Variants in SHC3 observed in about 807,000 individuals in gnomAD.
SHC3 encodes SHC-transforming protein 3.
SHC3 carries 15 observed loss-of-function variants against 60.4 expected under a neutral mutation model. The observed-to-expected ratio is 0.25, with a 90% CI of 0.17 to 0.38. SHC3 has a LOEUF of 0.38. Among genes scored for constraint, SHC3 ranks in the 10% least tolerant of loss-of-function variants. The pLI is 1.00. For synonymous variants in SHC3, 294 were observed against 325.9 expected, an observed-to-expected ratio of 0.90 and a Z score of 1.05; for missense variants, 677 against 786.1, an observed-to-expected ratio of 0.86 and a Z score of 1.66.
chr9:89,067,994 G>C (rs1255858397), intron 5 of SHC3, among the ~76,000 whole-genome samples: 1 of 152,228 alleles, frequency 6.6e-6, no homozygotes, highest in Admixed American at 6.5e-5. Context: ...AGTTGGGAAA[G>C]GAGGGAGAAT....
intron 1 of SHC3, among the ~76,000 whole-genome samples, chr9:89,119,372 A>G (rs1256075230): frequency 6.6e-6 from 1 of 152,134 alleles, no homozygotes; most frequent in African/African-American, 2.4e-5. Flanking sequence ...CAAACCTGCC[A>G]ATTAAAAGTC....
At chr9:89,168,688 T>A (rs577636589) in intron 1 of SHC3, among the ~76,000 whole-genome samples, 1 of 152,106 alleles carries the variant, frequency 6.6e-6, no homozygotes, top group Non-Finnish European at 1.5e-5. Context: ...GACTGAGCCA[T>A]GAGATGCCCA....
chr9:89,106,500 C>T (rs750376992), intron 2 of SHC3, among the ~76,000 whole-genome samples: 3 of 152,210 alleles, frequency 2.0e-5, no homozygotes, highest in Non-Finnish European at 4.4e-5. Flanking sequence ...TCTCAGCCCA[C>T]ACAGGGCAGC....
intron 9 of SHC3, 92 bp from the exon 10 acceptor site, chr9:89,042,276 TGGGAA>T (rs1824701215): frequency 7.3e-7 from 1 of 1,370,628 alleles, no homozygotes; most frequent in Non-Finnish European, 9.6e-7. Context: ...TGCCTGCAAA[TGGGAA>T]ACCTCCTCCT....
At chr9:89,165,865 C>A (rs1365851212) in intron 1 of SHC3, among the ~76,000 whole-genome samples, 1 of 152,166 alleles carries the variant, frequency 6.6e-6, no homozygotes, top group African/African-American at 2.4e-5. Flanking sequence ...AGCCTTGAGC[C>A]CATGACGCTT....
In SHC3 at chr9:89,009,974, T is replaced by C. The variant is rs1412345887; in HGVS notation, c.*3473A>G. 2 of 152,240 alleles carry C rather than the reference T, an allele frequency of 1.3e-5. No homozygotes were observed. Among genetic ancestry groups the C allele is most frequent in the African/African-American group, 2.4e-5 (1 of 41,456 alleles). 9.4% of individuals were successfully genotyped at this position (152,240 alleles called of 1,614,324 possible). Reference sequence around the variant, plus strand: ...ACATGTCCACTGTTCCCCTGGCACATGGGCCCTTTAGGGTCCACCCTTCCC... The same window carrying C: ...ACATGTCCACTGTTCCCCTGGCACACGGGCCCTTTAGGGTCCACCCTTCCC... On this transcript the variant is annotated 3_prime_UTR_variant, in exon 12 of 12. Coordinates refer to ENST00000375835, the MANE Select transcript of SHC3 (RefSeq NM_016848.6).
intron 1 of SHC3, 133 bp downstream of exon 1, chr9:89,177,854 A>C: frequency 4.5e-6 from 5 of 1,107,304 alleles, no homozygotes; most frequent in South Asian, 9.1e-5. Context: ...ATTGCTAAGG[A>C]GTGCGCATTT....
intron 1 of SHC3, among the ~76,000 whole-genome samples, chr9:89,160,277 A>T (rs1826684928): frequency 2.6e-5 from 4 of 152,062 alleles, no homozygotes; most frequent in African/African-American, 9.7e-5. Context: ...CCTGCTGTGA[A>T]CACCCTCCAC....
At chr9:89,059,637 AGG>A in intron 6 of SHC3, among the ~76,000 whole-genome samples, 1 of 94,548 alleles carries the variant, frequency 1.1e-5, no homozygotes. Flanking sequence ...GACGTGGTGG[AGG>A]ACGTGATGGA....
intron 7 of SHC3, among the ~76,000 whole-genome samples, chr9:89,047,652 G>A (rs1392732150): frequency 2.0e-5 from 3 of 152,104 alleles, no homozygotes; most frequent in Non-Finnish European, 4.4e-5. Flanking sequence ...CCTCAACATC[G>A]TTAGTCATCA....
At chr9:89,064,863 G>C (rs1186158287) in intron 6 of SHC3, among the ~76,000 whole-genome samples, 1 of 152,092 alleles carries the variant, frequency 6.6e-6, no homozygotes, top group African/African-American at 2.4e-5. Context: ...CTGGGGTAGG[G>C]GGGTAGTGAA....
chr9:89,135,610 G>A (rs1044561547), intron 1 of SHC3, among the ~76,000 whole-genome samples: 7 of 152,060 alleles, frequency 4.6e-5, no homozygotes, highest in Non-Finnish European at 8.8e-5. Flanking sequence ...TAGAGAGAGA[G>A]AAAAAATTAT....
intron 1 of SHC3, among the ~76,000 whole-genome samples, chr9:89,167,796 A>G (rs1323770753): frequency 6.6e-6 from 1 of 152,216 alleles, no homozygotes; most frequent in Non-Finnish European, 1.5e-5. Flanking sequence ...ATTAGGGGGA[A>G]AAACCCCATG....
intron 1 of SHC3, among the ~76,000 whole-genome samples, chr9:89,112,944 T>C (rs1257133049): frequency 6.6e-6 from 1 of 152,160 alleles, no homozygotes; most frequent in Non-Finnish European, 1.5e-5. Context: ...ATCTTAAATG[T>C]TTAATTCAAT....
At chr9:89,163,495 C>G (rs1826741289) in intron 1 of SHC3, among the ~76,000 whole-genome samples, 1 of 145,328 alleles carries the variant, frequency 6.9e-6, no homozygotes, top group Non-Finnish European at 1.5e-5. Context: ...ATCGCAAGAA[C>G]AAAAAACCAA....
At chr9:89,112,524 A>G in intron 2 of SHC3, 32 bp downstream of exon 2, 1 of 1,600,488 alleles carries the variant, frequency 6.2e-7, no homozygotes, top group Non-Finnish European at 8.5e-7. Flanking sequence ...TCAGAAGTAA[A>G]ATCACAGGAG....
chr9:89,151,461 G>A (rs186012603), intron 1 of SHC3, among the ~76,000 whole-genome samples: 2 of 152,296 alleles, frequency 1.3e-5, no homozygotes, highest in African/African-American at 4.8e-5. Flanking sequence ...ATGTGTGAAT[G>A]ACATGAGAAG....
At chr9:89,054,805 C>T (rs1824921862) in intron 6 of SHC3, among the ~76,000 whole-genome samples, 1 of 152,194 alleles carries the variant, frequency 6.6e-6, no homozygotes, top group Non-Finnish European at 1.5e-5. Context: ...AGGAAACTGC[C>T]CACTGGGGAA....
intron 6 of SHC3, among the ~76,000 whole-genome samples, chr9:89,056,307 C>A (rs148421527): frequency 6.6e-6 from 1 of 152,096 alleles, no homozygotes; most frequent in African/African-American, 2.4e-5. Flanking sequence ...AGTGCAATGG[C>A]GCGATCTTGG....
Sources: allele counts gnomAD v4.1 joint callset (sites outside exome capture counted in the v4.1 genomes callset), GRCh38; gene constraint gnomAD v4.1.1; transcripts MANE v1.5; gene names NCBI Gene and HGNC (gene_info 2026-07-23, HGNC 2026-07-21).